The following KCNN2 variants were observed in gnomAD, a reference collection of about 807,000 sequenced individuals.
KCNN2 encodes potassium calcium-activated channel subfamily N member 2, also known as small conductance calcium-activated potassium channel protein 2.
KCNN2 carries 24 observed loss-of-function variants against 55.5 expected under a neutral mutation model. The observed-to-expected ratio is 0.43, with a 90% CI of 0.31 to 0.61. The LOEUF is 0.61. Ranked by LOEUF, KCNN2 falls within the 20% of genes least tolerant of loss-of-function variation. KCNN2 has a pLI of 0.08. For synonymous variants in KCNN2, 431 were observed against 336.1 expected (o/e 1.28, Z -3.09); for missense variants, 754 against 853.6 (o/e 0.88, Z 1.45).
At chr5:114,352,960 G>T (rs1258700181) in intron 2 of KCNN2, among the ~76,000 whole-genome samples, 1 of 151,842 alleles carries the variant, frequency 6.6e-6, no homozygotes, top group Non-Finnish European at 1.5e-5. Flanking sequence ...CTGCATAGCT[G>T]TTCTAACCAT....
chr5:114,150,172 A>G (rs1188950578), intron 1 of KCNN2, among the ~76,000 whole-genome samples: 2 of 152,216 alleles, frequency 1.3e-5, no homozygotes, highest in African/African-American at 2.4e-5. Flanking sequence ...ATTTACAATA[A>G]TCAGGAACAT....
chr5:114,274,477 G>A (rs1023106494), intron 2 of KCNN2, among the ~76,000 whole-genome samples: 1 of 152,176 alleles, frequency 6.6e-6, no homozygotes, highest in Non-Finnish European at 1.5e-5. Context: ...AGCATGGAAT[G>A]TTTTTCGATT....
intron 1 of KCNN2, among the ~76,000 whole-genome samples, chr5:114,083,437 A>C (rs11739139): frequency 0.17 from 25,088 of 151,940 alleles, 2,213 homozygotes; most frequent in Middle Eastern, 0.2. Flanking sequence ...AAAGTTTTGA[A>C]ATTTTATGTT....
At chr5:114,459,521 AT>A (rs1196497946) in intron 3 of KCNN2, among the ~76,000 whole-genome samples, 1 of 152,232 alleles carries the variant, frequency 6.6e-6, no homozygotes, top group Non-Finnish European at 1.5e-5. Context: ...TGATAATATC[AT>A]CCTGTGAAAA....
intron 1 of KCNN2, among the ~76,000 whole-genome samples, chr5:114,220,548 T>A (rs1036562010): frequency 3.9e-5 from 6 of 152,034 alleles, no homozygotes. Flanking sequence ...AAATGTTTTT[T>A]AAAAAAAGAG....
At chr5:114,299,655 A>G (rs1756110770) in intron 2 of KCNN2, among the ~76,000 whole-genome samples, 1 of 152,118 alleles carries the variant, frequency 6.6e-6, no homozygotes, top group South Asian at 2.1e-4. Context: ...ATCTAGTCCC[A>G]TCTCTGGGCA....
At chr5:114,205,002 T>A (rs1215125675) in intron 1 of KCNN2, among the ~76,000 whole-genome samples, 1 of 152,232 alleles carries the variant, frequency 6.6e-6, no homozygotes, top group Non-Finnish European at 1.5e-5. Context: ...TAGCATCTAT[T>A]CAGCCAGCTG....
intron 1 of KCNN2, among the ~76,000 whole-genome samples, chr5:114,134,535 G>A (rs1752134313): frequency 6.6e-6 from 1 of 150,586 alleles, no homozygotes; most frequent in Non-Finnish European, 1.5e-5. Context: ...GAGTGCAGTG[G>A]TGCGATCTCA....
At chr5:114,471,066 T>A (rs1465313439) in intron 4 of KCNN2, among the ~76,000 whole-genome samples, 2 of 151,926 alleles carry the variant, frequency 1.3e-5, no homozygotes, top group African/African-American at 4.9e-5. Flanking sequence ...ACATTCATAC[T>A]TTATCATATA....
At chr5:114,179,842 T>C (rs765232415) in intron 1 of KCNN2, among the ~76,000 whole-genome samples, 3 of 152,168 alleles carry the variant, frequency 2.0e-5, no homozygotes, top group Non-Finnish European at 4.4e-5. Context: ...TCTCACACCG[T>C]GATAGAGACT....
chr5:114,140,827 C>T (rs1024525251), intron 1 of KCNN2, among the ~76,000 whole-genome samples: 7 of 150,456 alleles, frequency 4.7e-5, no homozygotes, highest in African/African-American at 7.3e-5. Context: ...CTCACTCCGT[C>T]GCCTAGGCTG....
At chr5:114,104,777 T>C (rs939512505) in intron 1 of KCNN2, among the ~76,000 whole-genome samples, 1 of 152,074 alleles carries the variant, frequency 6.6e-6, no homozygotes, top group Non-Finnish European at 1.5e-5. Context: ...AAATAAGTTA[T>C]ATCTCTGCTG....
intron 4 of KCNN2, among the ~76,000 whole-genome samples, chr5:114,468,626 T>G (rs1227857495): frequency 6.6e-6 from 1 of 152,226 alleles, no homozygotes; most frequent in African/African-American, 2.4e-5. Flanking sequence ...CACAGGAGGA[T>G]ACTTTAAGCC....
In KCNN2 at chr5:114,124,470, C is replaced by A. The variant is rs771970846; in HGVS notation, c.-271+67970C>A. ...TGCAGCCTCAAAAACCATGATCTGC[C>A]CCCCCTGGAATTTCCTGTGGGTGGT... On this transcript the variant is annotated intron_variant, in intron 1 of 10. Transcript: ENST00000512097. Among the ~76,000 whole-genome samples, 28 of 152,154 alleles carry A rather than the reference C, an allele frequency of 1.8e-4. No homozygotes were observed. In the South Asian group the frequency reaches 3.9e-3, roughly 21 times the overall value.
At chr5:114,390,128 T>G (rs1223865589) in intron 2 of KCNN2, among the ~76,000 whole-genome samples, 1 of 152,180 alleles carries the variant, frequency 6.6e-6, no homozygotes, top group Non-Finnish European at 1.5e-5. Context: ...ATTTTAGCAA[T>G]GTAGCAATAT....
intron 1 of KCNN2, among the ~76,000 whole-genome samples, chr5:114,199,604 G>T (rs1392850870): frequency 1.1e-5 from 1 of 93,724 alleles, no homozygotes; most frequent in Non-Finnish European, 2.5e-5. Flanking sequence ...ATGAATTTTG[G>T]GTTTTATATT....
intron 2 of KCNN2, among the ~76,000 whole-genome samples, chr5:114,378,415 T>A (rs564952806): frequency 6.6e-6 from 1 of 152,350 alleles, no homozygotes; most frequent in South Asian, 2.1e-4. Flanking sequence ...TATCTTTGCA[T>A]CAAAAGCTGT....
intron 3 of KCNN2, among the ~76,000 whole-genome samples, chr5:114,457,337 A>AT (rs1324623373): frequency 1.3e-5 from 2 of 152,304 alleles, no homozygotes; most frequent in South Asian, 4.1e-4. Flanking sequence ...AGGTATATAC[A>AT]TTTTTTAAGA....
intron 1 of KCNN2, among the ~76,000 whole-genome samples, chr5:114,159,382 A>G (rs1033107310): frequency 6.6e-6 from 1 of 151,956 alleles, no homozygotes; most frequent in African/African-American, 2.4e-5. Flanking sequence ...AAGCTTTTGG[A>G]TGTGTTGCTG....
Sources: allele counts gnomAD v4.1 joint callset (sites outside exome capture counted in the v4.1 genomes callset), GRCh38; gene constraint gnomAD v4.1.1; transcripts MANE v1.5; gene names NCBI Gene and HGNC (gene_info 2026-07-23, HGNC 2026-07-21).